Variants in TNS3 observed in about 807,000 individuals in gnomAD.
The protein encoded by TNS3 is tensin-3.
Under a neutral mutation model 140.9 loss-of-function variants are expected in TNS3, and 45 were observed. The ratio of observed to expected loss-of-function variants is 0.32; its 90% CI spans 0.25 to 0.41. The LOEUF (loss-of-function observed/expected upper bound fraction) is 0.41. Among genes scored for constraint, TNS3 ranks in the 10% least tolerant of loss-of-function variants. The probability of loss-of-function intolerance (pLI) is 1.00; values close to 1 mark genes in which losing one functional copy is unlikely to be tolerated. For missense variants in TNS3, 1,716 were observed against 1,906.7 expected, an observed-to-expected ratio of 0.90 and a Z score of 1.86; for synonymous variants, 815 against 788.4, an observed-to-expected ratio of 1.03 and a Z score of -0.56.
intron 16 of TNS3, among the ~76,000 whole-genome samples, chr7:47,377,428 T>C (rs1791462663): frequency 6.6e-6 from 1 of 152,074 alleles, no homozygotes; most frequent in South Asian, 2.1e-4. Context: ...CAAATGGGTG[T>C]GGTCGGGGCC....
intron 17 of TNS3, among the ~76,000 whole-genome samples, chr7:47,350,579 G>A (rs1044047794): frequency 2.6e-5 from 4 of 152,176 alleles, no homozygotes; most frequent in African/African-American, 9.7e-5. Context: ...GGGCTGGCGG[G>A]AGCTGCTGTT....
rs780395262 is a variant in TNS3, at chr7:47,413,944, C to G, written c.640G>C (p.Gly214Arg). 5.0e-6 allele frequency: 8 copies of G among 1,613,730 alleles called. No homozygotes were observed. In the Admixed American group the frequency reaches 1.3e-4, roughly 27 times the overall value. The change falls in exon 12 of 31, where the codon GGG (glycine) becomes CGG (arginine). Residue 214 changes from glycine (G) to arginine (R), a missense_variant. By Grantham distance (125) the Gly-to-Arg change is moderately radical. Transcript: ENST00000311160. ...AGCAGCAGCAGCACTCACTAGATCC[C>G]GGAGGTGTACACAGGCTGCATGGCT... is the stretch of plus-strand genomic sequence containing the variant. Reference protein sequence around the residue: ...YQAMQPVYTSGIYNVGPENPS... With the variant: ...YQAMQPVYTSRIYNVGPENPS...
intron 5 of TNS3, 81 bp from the exon 6 acceptor site, chr7:47,439,739 C>G (rs1795369820): frequency 6.9e-7 from 1 of 1,445,196 alleles, no homozygotes; most frequent in Non-Finnish European, 9.4e-7. Context: ...GTGAAGACGA[C>G]GGACACTCAT....
At chr7:47,476,966 A>G (rs1797217916) in intron 4 of TNS3, among the ~76,000 whole-genome samples, 1 of 152,266 alleles carries the variant, frequency 6.6e-6, no homozygotes, top group African/African-American at 2.4e-5. Context: ...CAGGAATATG[A>G]AAACGAACAT....
At chr7:47,417,761 C>G (rs1009176917) in intron 10 of TNS3, among the ~76,000 whole-genome samples, 1 of 150,570 alleles carries the variant, frequency 6.6e-6, no homozygotes, top group Admixed American at 6.6e-5. Flanking sequence ...ACAACAACAA[C>G]AAAAAAAAAC....
intron 4 of TNS3, among the ~76,000 whole-genome samples, chr7:47,469,553 A>C (rs560140291): frequency 1.2e-4 from 18 of 152,374 alleles, no homozygotes; most frequent in African/African-American, 4.3e-4. Flanking sequence ...TTATGGGTAC[A>C]TACCCAAAGA....
intron 3 of TNS3, among the ~76,000 whole-genome samples, chr7:47,485,793 C>T (rs924658472): frequency 2.6e-5 from 4 of 152,258 alleles, no homozygotes; most frequent in Non-Finnish European, 4.4e-5. Flanking sequence ...CTGCCCCACA[C>T]CTGGCTACGT....
intron 2 of TNS3, among the ~76,000 whole-genome samples, chr7:47,513,140 G>A (rs888767345): frequency 6.6e-6 from 1 of 152,060 alleles, no homozygotes; most frequent in Non-Finnish European, 1.5e-5. Flanking sequence ...TTAAAAAAAT[G>A]ATTTTTAAAT....
intron 16 of TNS3, 88 bp downstream of exon 16, chr7:47,396,712 C>T (rs1792850851): frequency 8.9e-7 from 1 of 1,126,686 alleles, no homozygotes; most frequent in Admixed American, 1.7e-5. Flanking sequence ...TTCTTCTTAG[C>T]AGACTGCAAA....
chr7:47,382,968 C>T (rs1168740589), intron 16 of TNS3, among the ~76,000 whole-genome samples: 1 of 152,066 alleles, frequency 6.6e-6, no homozygotes, highest in Non-Finnish European at 1.5e-5. Flanking sequence ...TGTTTAGTGC[C>T]ACTCCTATTT....
intron 1 of TNS3, among the ~76,000 whole-genome samples, chr7:47,531,893 G>C (rs545241470): frequency 6.6e-6 from 1 of 152,166 alleles, no homozygotes; most frequent in Non-Finnish European, 1.5e-5. Flanking sequence ...TCTGCCCCCC[G>C]GGGTGCAGCT....
chr7:47,518,694 A>C (rs1364179620), intron 2 of TNS3, among the ~76,000 whole-genome samples: 1 of 152,140 alleles, frequency 6.6e-6, no homozygotes, highest in Non-Finnish European at 1.5e-5. Flanking sequence ...TAAGTAAATA[A>C]ATAAATAAAT....
At chr7:47,491,385 C>T (rs576870761) in intron 3 of TNS3, among the ~76,000 whole-genome samples, 16 of 152,290 alleles carry the variant, frequency 1.1e-4, no homozygotes, top group African/African-American at 2.4e-4. Flanking sequence ...GATGAATTTA[C>T]GGAGACTGTC....
chr7:47,461,340 A>G (rs1796481381), intron 4 of TNS3, among the ~76,000 whole-genome samples: 1 of 152,180 alleles, frequency 6.6e-6, no homozygotes, highest in Non-Finnish European at 1.5e-5. Context: ...CCCACCAACC[A>G]TGGATCTGCT....
chr7:47,495,921 A>C (rs1175264774), intron 3 of TNS3, among the ~76,000 whole-genome samples: 1 of 152,222 alleles, frequency 6.6e-6, no homozygotes, highest in African/African-American at 2.4e-5. Flanking sequence ...AGAGCAGTGG[A>C]CGAAACCACA....
chr7:47,527,076 C>CA (rs5884014), intron 2 of TNS3, among the ~76,000 whole-genome samples: 82,739 of 147,998 alleles, frequency 0.56, 23,283 homozygotes, highest in East Asian at 0.76. Context: ...ATTAAAAATA[C>CA]AAAAAAAAAA....
At chr7:47,346,389 G>A (rs373780253) in intron 17 of TNS3, 33 bp from the exon 18 acceptor site, 169 of 1,610,786 alleles carry the variant, frequency 1.0e-4, no homozygotes, top group East Asian at 8.9e-4. Context: ...GCTGCAGGGC[G>A]CTTCCTCAAG....
intron 4 of TNS3, among the ~76,000 whole-genome samples, chr7:47,471,356 T>C (rs1796944677): frequency 6.6e-6 from 1 of 152,132 alleles, no homozygotes; most frequent in Admixed American, 6.5e-5. Flanking sequence ...CTGGTAACCA[T>C]CTCACCGTCT....
chr7:47,458,789 C>A (rs1264693994), intron 4 of TNS3, among the ~76,000 whole-genome samples: 1 of 152,178 alleles, frequency 6.6e-6, no homozygotes, highest in Non-Finnish European at 1.5e-5. Context: ...GCCTCACTGC[C>A]CTTGAGAGGC....
Sources: gnomAD v4.1 joint callset for allele counts (sites outside exome capture counted in the v4.1 genomes callset) on GRCh38, gnomAD v4.1.1 for gene constraint, MANE v1.5 for transcripts, NCBI Gene and HGNC (gene_info 2026-07-23, HGNC 2026-07-21) for gene names.